AHCYL2: variants seen among roughly 807,000 people sequenced by gnomAD.
The protein encoded by AHCYL2 is adenosylhomocysteinase like 2.
In AHCYL2, 28 loss-of-function variants were observed where a neutral mutation model predicts 81.4. The ratio of observed to expected loss-of-function variants is 0.34; its 90% CI spans 0.25 to 0.47. The LOEUF (loss-of-function observed/expected upper bound fraction) is 0.47. AHCYL2 is among the 20% of genes least tolerant of loss of function. AHCYL2 has a pLI of 1.00. For missense variants in AHCYL2, 551 were observed against 785.1 expected, an observed-to-expected ratio of 0.70 and a Z score of 3.56; for synonymous variants, 272 against 290.2, an observed-to-expected ratio of 0.94 and a Z score of 0.64.
chr7:129,416,298 T>C (rs1281536315), intron 12 of AHCYL2, among the ~76,000 whole-genome samples: 2 of 152,196 alleles, frequency 1.3e-5, no homozygotes, highest in Non-Finnish European at 2.9e-5. Flanking sequence ...TTGTTCTAAA[T>C]GCTTGGAGAC....
intron 1 of AHCYL2, among the ~76,000 whole-genome samples, chr7:129,271,972 C>G (rs1156459769): frequency 6.6e-6 from 1 of 152,200 alleles, no homozygotes; most frequent in Non-Finnish European, 1.5e-5. Context: ...CATACCAAAT[C>G]TGGGCTGGCC....
chr7:129,317,490 G>T (rs889704912), intron 1 of AHCYL2, among the ~76,000 whole-genome samples: 1 of 152,188 alleles, frequency 6.6e-6, no homozygotes, highest in South Asian at 2.1e-4. Context: ...GGAAGAAAAG[G>T]CTGGGTAGGA....
At chr7:129,399,623 T>C (rs1795927407) in intron 5 of AHCYL2, among the ~76,000 whole-genome samples, 2 of 151,824 alleles carry the variant, frequency 1.3e-5, no homozygotes, top group Non-Finnish European at 2.9e-5. Context: ...GATTAAAGTA[T>C]AGAAGCAAGA....
At chr7:129,312,673 CTT>C (rs895316379) in intron 1 of AHCYL2, among the ~76,000 whole-genome samples, 1 of 152,136 alleles carries the variant, frequency 6.6e-6, no homozygotes, top group African/African-American at 2.4e-5. Context: ...ACTATTTAGA[CTT>C]TTTTTATTTG....
intron 1 of AHCYL2, among the ~76,000 whole-genome samples, chr7:129,252,936 C>T (rs939119932): frequency 6.6e-6 from 1 of 150,620 alleles, no homozygotes; most frequent in Non-Finnish European, 1.5e-5. Context: ...TAGCCGGGCA[C>T]GGTGGCTCAT....
chr7:129,372,697 G>A (rs1029109400), intron 1 of AHCYL2, among the ~76,000 whole-genome samples: 4 of 151,962 alleles, frequency 2.6e-5, no homozygotes, highest in African/African-American at 7.3e-5. Context: ...TCCTGTAATC[G>A]CAGCTACTCA....
intron 1 of AHCYL2, among the ~76,000 whole-genome samples, chr7:129,267,286 T>C (rs957073743): frequency 6.7e-5 from 9 of 134,032 alleles, no homozygotes; most frequent in East Asian, 2.1e-4. Context: ...CTCCAACTTA[T>C]TGAGTTCAAT....
intron 1 of AHCYL2, among the ~76,000 whole-genome samples, chr7:129,281,788 G>A (rs1178419474): frequency 7.2e-5 from 11 of 152,072 alleles, no homozygotes; most frequent in Non-Finnish European, 1.6e-4. Flanking sequence ...GTGAGCCACT[G>A]CACCTGGCCA....
intron 1 of AHCYL2, among the ~76,000 whole-genome samples, chr7:129,261,021 CT>C (rs1162261997): frequency 6.6e-6 from 1 of 152,098 alleles, no homozygotes; most frequent in Non-Finnish European, 1.5e-5. Flanking sequence ...AACTCCTGAC[CT>C]TAAGTGATCT....
At chr7:129,232,496 C>T (rs1236062550) in intron 1 of AHCYL2, among the ~76,000 whole-genome samples, 1 of 152,198 alleles carries the variant, frequency 6.6e-6, no homozygotes, top group Non-Finnish European at 1.5e-5. Flanking sequence ...ACAATCTAGC[C>T]TCTTTCAAGG....
intron 13 of AHCYL2, 84 bp from the exon 14 acceptor site, chr7:129,424,790 T>C: frequency 7.0e-7 from 1 of 1,431,042 alleles, no homozygotes; most frequent in South Asian, 1.1e-5. Flanking sequence ...GTTTGGAAAA[T>C]GGTGGTCATG....
chr7:129,234,556 G>T (rs2150679821), intron 1 of AHCYL2, among the ~76,000 whole-genome samples: 1 of 152,184 alleles, frequency 6.6e-6, no homozygotes, highest in Admixed American at 6.5e-5. Context: ...GGGGTCTCTT[G>T]CTATGTTGCC....
intron 6 of AHCYL2, among the ~76,000 whole-genome samples, chr7:129,401,350 A>G (rs543103335): frequency 7.3e-6 from 1 of 137,626 alleles, no homozygotes; most frequent in Non-Finnish European, 1.6e-5. Flanking sequence ...CCCCCCCCCA[A>G]AAAAGCTACA....
chr7:129,324,513 A>T (rs1478584636), intron 1 of AHCYL2, among the ~76,000 whole-genome samples: 1 of 151,802 alleles, frequency 6.6e-6, no homozygotes, highest in East Asian at 1.9e-4. Flanking sequence ...ATATTGGCTT[A>T]TTACTTTTTA....
chr7:129,234,645 C>T (rs1042308239), intron 1 of AHCYL2, among the ~76,000 whole-genome samples: 2 of 152,040 alleles, frequency 1.3e-5, no homozygotes, highest in African/African-American at 2.4e-5. Context: ...AAGCATGAGC[C>T]GCTGCACCCA....
chr7:129,264,183 G>A lies in AHCYL2; in HGVS notation c.363+38744G>A, dbSNP rs552748590. ...ACTACAGGCACCCGCCACCATGCCC[G>A]GCTAATTTTTTGTATTTTTAGTAGA... On this transcript the variant is annotated intron_variant, in intron 1 of 16. Coordinates refer to ENST00000325006, the MANE Select transcript of AHCYL2 (RefSeq NM_015328.4). Among the ~76,000 whole-genome samples, 19 of 152,214 alleles carry A rather than the reference G, an allele frequency of 1.2e-4. No homozygotes were observed. The East Asian group carries it at 1.4e-3, about 11-fold the overall frequency.
chr7:129,263,822 C>T (rs920117451), intron 1 of AHCYL2, among the ~76,000 whole-genome samples: 6 of 152,090 alleles, frequency 3.9e-5, no homozygotes, highest in Non-Finnish European at 8.8e-5. Flanking sequence ...TAATCTGTTT[C>T]AGATATAGAA....
At chr7:129,322,045 G>A (rs1005660619) in intron 1 of AHCYL2, among the ~76,000 whole-genome samples, 1 of 151,604 alleles carries the variant, frequency 6.6e-6, no homozygotes, top group Admixed American at 6.6e-5. Flanking sequence ...CAAAGTGCTG[G>A]GATTACAGGC....
chr7:129,377,387 A>G (rs1228737169), intron 1 of AHCYL2, among the ~76,000 whole-genome samples: 1 of 152,182 alleles, frequency 6.6e-6, no homozygotes, highest in East Asian at 1.9e-4. Flanking sequence ...GCTGAAAACA[A>G]TTTGCAAGCC....
Sources: gnomAD v4.1 joint callset for allele counts (sites outside exome capture counted in the v4.1 genomes callset) on GRCh38, gnomAD v4.1.1 for gene constraint, MANE v1.5 for transcripts, NCBI Gene and HGNC (gene_info 2026-07-23, HGNC 2026-07-21) for gene names.